ISM1: variants seen among roughly 807,000 people sequenced by gnomAD.
The protein encoded by ISM1 is isthmin 1.
In ISM1, 25 loss-of-function variants were observed where a neutral mutation model predicts 46.3. The ratio of observed to expected loss-of-function variants is 0.54; its 90% CI spans 0.39 to 0.75. The LOEUF (loss-of-function observed/expected upper bound fraction) is 0.75. ISM1 is among the 30% of genes least tolerant of loss of function. ISM1 has a pLI of 0.00. For synonymous variants in ISM1, 255 were observed against 256.7 expected (o/e 0.99, Z 0.06); for missense variants, 536 against 625.4 (o/e 0.86, Z 1.52).
chr20:13,320,120 C>A, the ISM1 span, among the ~76,000 whole-genome samples: 1 of 152,176 alleles, frequency 6.6e-6, no homozygotes, highest in African/African-American at 2.4e-5. Flanking sequence ...CTGTGAGAAG[C>A]AATCTATACC....
In ISM1 at chr20:13,264,847, A is replaced by G. The variant is rs375419318; in HGVS notation, c.139-5657A>G. On this transcript the variant is annotated intron_variant, in intron 1 of 5. Coordinates refer to ENST00000262487, the MANE Select transcript of ISM1 (RefSeq NM_080826.2). ...TTTTCTCTTCTTGATTCATCTCAGC[A>G]GAGCTTTCCCAAGGGCATCCAGGGC... 1.3e-4 allele frequency among the ~76,000 whole-genome samples: 20 copies of G among 152,332 alleles called. No homozygotes were observed. The East Asian group carries it at 3.1e-3, about 23-fold the overall frequency.
chr20:13,274,996 T>C (rs767016972), intron 2 of ISM1, among the ~76,000 whole-genome samples: 1 of 152,186 alleles, frequency 6.6e-6, no homozygotes, highest in African/African-American at 2.4e-5. Context: ...AGTTAGACTT[T>C]GGTATCCTTG....
intron 4 of ISM1, among the ~76,000 whole-genome samples, chr20:13,290,637 G>A (rs1408417584): frequency 2.0e-5 from 3 of 152,024 alleles, no homozygotes; most frequent in South Asian, 2.1e-4. Flanking sequence ...CAGCCCGGGC[G>A]ACAGAGCAAG....
chr20:13,281,792 G>A (rs147984948), intron 3 of ISM1, among the ~76,000 whole-genome samples: 29 of 152,306 alleles, frequency 1.9e-4, no homozygotes, highest in Middle Eastern at 3.4e-3. Flanking sequence ...ATTGCACAGC[G>A]TTTGTGGCTT....
intron 3 of ISM1, among the ~76,000 whole-genome samples, chr20:13,281,566 G>A (rs1371298698): frequency 2.0e-5 from 3 of 152,164 alleles, no homozygotes; most frequent in African/African-American, 4.8e-5. Flanking sequence ...TAACCTGGAG[G>A]GCTAAGACCT....
chr20:13,255,619 C>G (rs1354648135), intron 1 of ISM1, among the ~76,000 whole-genome samples: 5 of 152,104 alleles, frequency 3.3e-5, no homozygotes, highest in Admixed American at 6.6e-5. Flanking sequence ...GTAGAGTAGA[C>G]AGAAAGAAGT....
the ISM1 span, among the ~76,000 whole-genome samples, chr20:13,325,913 C>G: frequency 6.6e-6 from 1 of 152,202 alleles, no homozygotes; most frequent in East Asian, 1.9e-4. Context: ...ACACGTCGAC[C>G]ATCAAAAAAG....
the ISM1 span, among the ~76,000 whole-genome samples, chr20:13,308,836 T>G: frequency 0.016 from 2,466 of 152,236 alleles, 66 homozygotes; most frequent in African/African-American, 0.057. Flanking sequence ...GGAACCCACA[T>G]GAATGAGATT....
At chr20:13,290,730 A>G (rs183781995) in intron 4 of ISM1, among the ~76,000 whole-genome samples, 261 of 152,324 alleles carry the variant, frequency 1.7e-3, no homozygotes, top group African/African-American at 5.8e-3. Flanking sequence ...ATGATGAAGA[A>G]GATTTTTTGA....
rs1411416737 is a variant in ISM1 at position 13,221,304 on chromosome 20, C to G, written c.-473C>G. ...CCTCCTCCCCGCGCTTCTCTGGCGG[C>G]CGCTCCCGCTCCAGCTGCGGCGCCG... is the stretch of plus-strand genomic sequence containing the variant. On this transcript the variant is annotated 5_prime_UTR_variant, in exon 1 of 6. Transcript: ENST00000262487. Among the ~76,000 whole-genome samples, 3 of 147,928 alleles carry G rather than the reference C, an allele frequency of 2.0e-5. No homozygotes were observed. The highest frequency in any genetic ancestry group is 4.2e-4 in the South Asian group (2 of 4,724).
chr20:13,247,206 G>C (rs1300472888), intron 1 of ISM1, among the ~76,000 whole-genome samples: 6 of 151,892 alleles, frequency 4.0e-5, no homozygotes. Context: ...ACTCCAGCCT[G>C]GGCAAAAAAA....
At chr20:13,312,481 T>G in the ISM1 span, among the ~76,000 whole-genome samples, 1 of 152,196 alleles carries the variant, frequency 6.6e-6, no homozygotes. Flanking sequence ...TTCCTCTCCC[T>G]CATGCACAGT....
the ISM1 span, among the ~76,000 whole-genome samples, chr20:13,315,047 T>C: frequency 6.6e-6 from 1 of 151,900 alleles, no homozygotes; most frequent in African/African-American, 2.4e-5. Context: ...ATAACTAATA[T>C]GCTAATAAAG....
Position 13,299,264 on chromosome 20 carries a change from G to C in ISM1, c.1200G>C (p.Ala400=). Reference sequence around the variant, plus strand: ...AGCTCATCACCAGGGGCAAGGGGGCGGGCACGCCCAACCTCATCAGCACCG... The same window carrying C: ...AGCTCATCACCAGGGGCAAGGGGGCCGGCACGCCCAACCTCATCAGCACCG... ...NMQLITRGKG[A]GTPNLISTEF... is the part of the protein sequence containing the mutation. The change falls in exon 6 of 6, where the codon GCG becomes GCC. Residue 400 remains alanine, a synonymous_variant. Transcript: ENST00000262487. This position sits in a 1 kb window ranked among gnomAD's most constrained non-coding sequence, Gnocchi z 5.8. 3 of 1,608,302 alleles carry C rather than the reference G, an allele frequency of 1.9e-6. No homozygotes were observed. Among genetic ancestry groups the C allele is most frequent in the Non-Finnish European group, 1.7e-6 (2 of 1,177,210 alleles).
the ISM1 span, among the ~76,000 whole-genome samples, chr20:13,325,502 T>C: frequency 6.7e-6 from 1 of 149,148 alleles, no homozygotes; most frequent in Non-Finnish European, 1.5e-5. Context: ...ACAGGAAAGG[T>C]GATAGGGGGA....
rs150744286 is a variant in ISM1 at position 13,278,399 on chromosome 20, G to A, written c.379-1235G>A. On this transcript the variant is annotated intron_variant, in intron 2 of 5. Transcript: ENST00000262487. ...TGAAAATTGTAGCTGGGAAAGCCTC[G>A]TCTTGAGGAGCTTGTACTTATGTCT... 8.5e-5 allele frequency among the ~76,000 whole-genome samples: 13 copies of A among 152,310 alleles called. No homozygotes were observed. In the East Asian group the frequency reaches 1.7e-3, roughly 20 times the overall value.
intron 2 of ISM1, among the ~76,000 whole-genome samples, chr20:13,273,652 G>A (rs892460177): frequency 3.9e-5 from 6 of 152,218 alleles, no homozygotes; most frequent in Non-Finnish European, 7.3e-5. Context: ...AAAGATCACC[G>A]TAACTCCCAA....
chr20:13,294,025 C>T (rs1191420761), intron 5 of ISM1, among the ~76,000 whole-genome samples: 2 of 151,824 alleles, frequency 1.3e-5, no homozygotes, highest in African/African-American at 2.4e-5. Flanking sequence ...GCTACAGTGT[C>T]GGGGGCAGTA....
chr20:13,272,075 A>G (rs2040121741), intron 2 of ISM1, among the ~76,000 whole-genome samples: 1 of 152,212 alleles, frequency 6.6e-6, no homozygotes, highest in East Asian at 1.9e-4. Flanking sequence ...CACCACAGCC[A>G]GCCCATACTT....
Sources: gnomAD v4.1 joint callset for allele counts (sites outside exome capture counted in the v4.1 genomes callset) on GRCh38, gnomAD v4.1.1 for gene constraint, Gnocchi (gnomAD v3.1) non-coding constraint, MANE v1.5 for transcripts, NCBI Gene and HGNC (gene_info 2026-07-23, HGNC 2026-07-21) for gene names.